CDK13: variants seen among roughly 807,000 people sequenced by gnomAD.
CDK13 encodes the protein cyclin dependent kinase 13.
CDK13 carries 40 observed loss-of-function variants against 137.6 expected under a neutral mutation model. That is an observed-to-expected ratio of 0.29 (90% CI 0.23 to 0.38). CDK13 has a LOEUF of 0.38. CDK13 is among the 10% of genes least tolerant of loss of function. The pLI, the probability that CDK13 is intolerant of heterozygous loss-of-function variation, is 1.00. For missense variants in CDK13, 1,704 were observed against 1,951.8 expected, an observed-to-expected ratio of 0.87 and a Z score of 2.39; for synonymous variants, 869 against 760.1, an observed-to-expected ratio of 1.14 and a Z score of -2.36.
Position 39,988,089 on chromosome 7 carries a change from A to G in CDK13, c.1702A>G (p.Ser568Gly), listed in dbSNP as rs776004739. The G allele has an allele frequency of 3.7e-6, 6 of 1,614,028 alleles. No homozygotes were observed. Among genetic ancestry groups the G allele is most frequent in the Admixed American group, 3.3e-5 (2 of 59,992 alleles). Residue 568 changes from serine to glycine, a missense_variant, in exon 2 of 14, where the codon AGT becomes GGT. Transcript: ENST00000181839. ...TKKAVIVGKE[S>G]KSAATKEESV... Reference sequence around the variant, plus strand: ...GAAAGCAGTCATAGTTGGAAAGGAGAGTAAATCTGCTGCTACAAAGGAGGA... The same window carrying G: ...GAAAGCAGTCATAGTTGGAAAGGAGGGTAAATCTGCTGCTACAAAGGAGGA...
chr7:40,081,964 C>A (rs28823992), intron 11 of CDK13, among the ~76,000 whole-genome samples: 15,911 of 152,176 alleles, frequency 0.1, 2,740 homozygotes, highest in African/African-American at 0.36. Flanking sequence ...GTTGGAAGTA[C>A]AACCTAATGA....
chr7:40,093,457 G>C (rs17496770), intron 13 of CDK13, among the ~76,000 whole-genome samples: 1 of 152,284 alleles, frequency 6.6e-6, no homozygotes, highest in African/African-American at 2.4e-5. Flanking sequence ...GAATGATAAA[G>C]ATATTTCTAA....
Position 39,988,192 on chromosome 7 carries a change from T to C in CDK13, c.1805T>C (p.Leu602Ser), listed in dbSNP as rs1784381896. Residue 602 changes from leucine to serine, a missense_variant, in exon 2 of 14, where the codon TTA becomes TCA. Physicochemically the swap from Leu to Ser is moderately radical, Grantham distance 145 (BLOSUM62 -2). This residue lies in a region of CDK13 where 1,051 missense variants were observed against 931.0 expected (regional missense o/e 1.13). Transcript: ENST00000181839. ...AAGGAGAAGGAGCAACATGTAGCTT[T>C]AGTCACCTCTACATTACCACCGTTA... ...GAKEKEQHVA[L>S]VTSTLPPLPL... 6.2e-7 allele frequency: 1 copy of C among 1,614,168 alleles called. No individual in the cohort carries two copies. Among genetic ancestry groups the C allele is most frequent in the South Asian group, 1.1e-5 (1 of 91,084 alleles).
Position 39,951,093 on chromosome 7 carries a change from C to A in CDK13, c.452C>A (p.Ser151Tyr). ...TPLVEYEDVS[S>Y]QSEQGLLLGG... The stretch of plus-strand genomic sequence containing the variant: ...CTGGTGGAATACGAGGATGTGAGCT[C>A]CCAGTCCGAGCAGGGGCTGCTGCTG... The change falls in exon 1 of 14, where the codon TCC (serine) becomes TAC (tyrosine). Residue 151 changes from serine (S) to tyrosine (Y), a missense_variant. Physicochemically the swap from Ser to Tyr is moderately radical, Grantham distance 144. Coordinates refer to ENST00000181839, the MANE Select transcript of CDK13 (RefSeq NM_003718.5). 2 of 1,260,610 alleles carry A rather than the reference C, an allele frequency of 1.6e-6. No homozygotes were observed. Among genetic ancestry groups the A allele is most frequent in the Non-Finnish European group, 2.0e-6 (2 of 1,004,238 alleles). 78.1% of individuals were successfully genotyped at this position (1,260,610 alleles called of 1,614,324 possible). A position where few individuals can be genotyped will look rare whatever the true frequency, so the allele number is the denominator to read the frequency against.
chr7:39,962,122 C>T (rs1349175344), intron 1 of CDK13, among the ~76,000 whole-genome samples: 2 of 152,208 alleles, frequency 1.3e-5, no homozygotes. Context: ...TTTATAGCAG[C>T]ATGATTTATA....
At chr7:39,996,654 T>A (rs1040579679) in intron 2 of CDK13, among the ~76,000 whole-genome samples, 3 of 152,164 alleles carry the variant, frequency 2.0e-5, no homozygotes, top group Admixed American at 2.0e-4. Context: ...TGCTTTCTTT[T>A]ATTTCTTACG....
At chr7:40,061,382 C>T (rs943687913) in intron 7 of CDK13, 1 of 152,074 alleles carries the variant, frequency 6.6e-6, no homozygotes, top group Non-Finnish European at 1.5e-5. Flanking sequence ...TGCTATAATG[C>T]CCAAATTGAT....
intron 1 of CDK13, among the ~76,000 whole-genome samples, chr7:39,955,975 G>A (rs970299532): frequency 6.6e-6 from 1 of 151,694 alleles, no homozygotes; most frequent in African/African-American, 2.4e-5. Flanking sequence ...AAAAAGATGG[G>A]TGGACTCTAA....
chr7:40,008,684 T>C (rs1324759621), intron 5 of CDK13, among the ~76,000 whole-genome samples: 2 of 152,178 alleles, frequency 1.3e-5, no homozygotes, highest in Non-Finnish European at 2.9e-5. Context: ...TGTATCTTTT[T>C]TTCCCCTCCT....
chr7:40,082,963 C>T (rs1304123509), intron 11 of CDK13, among the ~76,000 whole-genome samples: 42 of 151,582 alleles, frequency 2.8e-4, no homozygotes, highest in Admixed American at 2.4e-3. Flanking sequence ...ATTAGCCAGG[C>T]GTGGTGGCAC....
chr7:39,953,070 T>G (rs548369257), intron 1 of CDK13, among the ~76,000 whole-genome samples: 1 of 152,174 alleles, frequency 6.6e-6, no homozygotes, highest in Admixed American at 6.5e-5. Context: ...TTATGTGGAA[T>G]CTCAACATAA....
chr7:39,994,010 A>T (rs576404963), intron 2 of CDK13, among the ~76,000 whole-genome samples: 68 of 151,948 alleles, frequency 4.5e-4, no homozygotes, highest in African/African-American at 1.5e-3. Flanking sequence ...TTGAATGTTT[A>T]TTGGTTGTTT....
chr7:39,956,253 A>G (rs1233509434), intron 1 of CDK13, among the ~76,000 whole-genome samples: 2 of 152,212 alleles, frequency 1.3e-5, no homozygotes, highest in Admixed American at 1.3e-4. Flanking sequence ...AAGGGAATGG[A>G]AGTTTAGGTT....
chr7:40,094,063 C>CT, intron 13 of CDK13, 67 bp from the exon 14 acceptor site: 1 of 1,538,518 alleles, frequency 6.5e-7, no homozygotes, highest in Non-Finnish European at 8.8e-7. Flanking sequence ...ACAGGAAACA[C>CT]TGAGTATTTT....
chr7:40,007,281 C>A (rs2116350042), intron 5 of CDK13, among the ~76,000 whole-genome samples: 1 of 152,342 alleles, frequency 6.6e-6, no homozygotes, highest in Admixed American at 6.5e-5. Flanking sequence ...GGCAACATGT[C>A]ACTGTTTGGT....
chr7:40,001,838 G>A, intron 4 of CDK13, 23 bp from the exon 5 acceptor site: 1 of 1,485,956 alleles, frequency 6.7e-7, no homozygotes, highest in Non-Finnish European at 9.3e-7. Flanking sequence ...CTGGTAACCT[G>A]ATTTTATTAA....
chr7:40,004,092 C>CT (rs1341150974), intron 5 of CDK13, among the ~76,000 whole-genome samples: 3 of 152,112 alleles, frequency 2.0e-5, no homozygotes, highest in Non-Finnish European at 4.4e-5. Flanking sequence ...TGCTGAATGA[C>CT]TAATTGTTGA....
At chr7:40,081,251 A>G (rs1173278273) in intron 11 of CDK13, among the ~76,000 whole-genome samples, 1 of 152,174 alleles carries the variant, frequency 6.6e-6, no homozygotes, top group African/African-American at 2.4e-5. Context: ...AATTATGTTC[A>G]AGAGAACATA....
chr7:40,068,674 C>G (rs1786337837), intron 9 of CDK13, among the ~76,000 whole-genome samples: 1 of 135,592 alleles, frequency 7.4e-6, no homozygotes, highest in African/African-American at 2.9e-5. Context: ...CCACTGCACT[C>G]CAGCCTGGGT....
Sources: gnomAD v4.1 joint callset for allele counts (sites outside exome capture counted in the v4.1 genomes callset) on GRCh38, gnomAD v4.1.1 for gene constraint, gnomAD v4.1.1 regional missense constraint, MANE v1.5 for transcripts, NCBI Gene and HGNC (gene_info 2026-07-23, HGNC 2026-07-21) for gene names.